Variants in SEMA5A observed in about 807,000 individuals in gnomAD.
SEMA5A encodes the protein semaphorin-5A.
Under a neutral mutation model 135.5 loss-of-function variants are expected in SEMA5A, and 55 were observed. That is an observed-to-expected ratio of 0.41 (90% confidence interval 0.33 to 0.51). The LOEUF (loss-of-function observed/expected upper bound fraction) is 0.51. Among genes scored for constraint, SEMA5A ranks in the 20% least tolerant of loss-of-function variants. SEMA5A has a pLI of 0.37. For missense variants in SEMA5A, 1,290 were observed against 1,419.9 expected (o/e 0.91, Z 1.47); for synonymous variants, 580 against 546.5 (o/e 1.06, Z -0.85).
At chr5:9,528,362 G>C (rs1279051784) in intron 1 of SEMA5A, among the ~76,000 whole-genome samples, 1 of 152,118 alleles carries the variant, frequency 6.6e-6, no homozygotes. Context: ...TATTTTTCTG[G>C]GTTCCTATTC....
chr5:9,103,410 G>A (rs2150145948), intron 16 of SEMA5A, among the ~76,000 whole-genome samples: 1 of 152,308 alleles, frequency 6.6e-6, no homozygotes, highest in East Asian at 1.9e-4. Context: ...ACAAACAAAT[G>A]TTAGTGTGTT....
intron 5 of SEMA5A, among the ~76,000 whole-genome samples, chr5:9,273,993 T>C (rs992403378): frequency 2.7e-4 from 41 of 152,112 alleles, no homozygotes; most frequent in African/African-American, 9.2e-4. Flanking sequence ...ATAACAATAT[T>C]AACCTTAAAT....
rs1441110197 is a variant in SEMA5A at position 9,036,719 on chromosome 5, A to C, written c.*6178T>G. On this transcript the variant is annotated 3_prime_UTR_variant, in exon 23 of 23. Transcript: ENST00000382496. ...GCTTCTTGGTCATTTTCTATTCCTG[A>C]GTTCAAAGAGACATAGGAGAATAAT... is the stretch of plus-strand genomic sequence containing the variant. 1 of 152,634 alleles carries C rather than the reference A, an allele frequency of 6.6e-6. No individual in the cohort carries two copies. Among genetic ancestry groups the C allele is most frequent in the Non-Finnish European group, 1.5e-5 (1 of 68,032 alleles). The allele number at this position is 152,634 out of a possible 1,614,324, so 9.5% of individuals were successfully genotyped here.
intron 17 of SEMA5A, among the ~76,000 whole-genome samples, chr5:9,065,241 C>T (rs1014383263): frequency 1.2e-4 from 19 of 152,202 alleles, no homozygotes; most frequent in African/African-American, 4.3e-4. Flanking sequence ...GTGGCTCCTG[C>T]TGCACCTGCT....
rs187713385 is a variant in SEMA5A at position 9,477,964 on chromosome 5, G to A, written c.-174-40112C>T. On this transcript the variant is annotated intron_variant, in intron 1 of 22. Coordinates refer to ENST00000382496, the MANE Select transcript of SEMA5A (RefSeq NM_003966.3). ...TCCTATCACAGGCCTGGAGGCCCATGAGGGACCTTCCTGGGCCCAGGGTCC... is the reference window on the plus strand; with the variant it reads ...TCCTATCACAGGCCTGGAGGCCCATAAGGGACCTTCCTGGGCCCAGGGTCC... 3.2e-3 allele frequency among the ~76,000 whole-genome samples: 495 copies of A among 152,342 alleles called. 2 individuals are homozygous for A. The South Asian group carries it at 0.042, about 13-fold the overall frequency.
intron 5 of SEMA5A, among the ~76,000 whole-genome samples, chr5:9,305,121 C>T (rs1195496789): frequency 1.3e-5 from 2 of 152,062 alleles, no homozygotes; most frequent in African/African-American, 2.4e-5. Flanking sequence ...TATTTTTCTC[C>T]CTCTCGCCTG....
At chr5:9,186,417 C>T (rs901158018) in intron 11 of SEMA5A, among the ~76,000 whole-genome samples, 1 of 152,162 alleles carries the variant, frequency 6.6e-6, no homozygotes, top group Admixed American at 6.5e-5. Flanking sequence ...GGCTGGTTTC[C>T]TCCCATTTGC....
At chr5:9,190,540 C>T in intron 10 of SEMA5A, 69 bp from the exon 11 acceptor site, 1 of 1,466,606 alleles carries the variant, frequency 6.8e-7, no homozygotes, top group Non-Finnish European at 9.4e-7. Context: ...TGTGGCCACC[C>T]TAGCTGGAAA....
chr5:9,357,583 T>C (rs1754508648), intron 3 of SEMA5A, among the ~76,000 whole-genome samples: 1 of 152,208 alleles, frequency 6.6e-6, no homozygotes, highest in African/African-American at 2.4e-5. Context: ...ATCCTGACAG[T>C]ATAACTGCAA....
At position 9,195,421 on chromosome 5, in the gene SEMA5A, C is replaced by CTTGG. The variant is rs148720255; in HGVS notation, c.1068+1743_1068+1746dup. Among the ~76,000 whole-genome samples, 577 of 152,300 alleles carry CTTGG rather than the reference C, an allele frequency of 3.8e-3. 3 individuals are homozygous for CTTGG. The highest frequency in any genetic ancestry group is 0.013 in the African/African-American group (532 of 41,550). On this transcript the variant is annotated intron_variant, in intron 10 of 22. Coordinates refer to ENST00000382496, the MANE Select transcript of SEMA5A (RefSeq NM_003966.3). ...TCCTGGCCTCAGGAGATCCTCCTGCCTTGGCCTCACAAAGCACTGTGATTA... is the reference window on the plus strand; with the variant it reads ...TCCTGGCCTCAGGAGATCCTCCTGCCTTGGTTGGCCTCACAAAGCACTGTGATTA...
At position 9,120,864 on chromosome 5, in the gene SEMA5A, C is replaced by T. The variant is rs548439889; in HGVS notation, c.1782-1723G>A. On this transcript the variant is annotated intron_variant, in intron 14 of 22. Coordinates refer to ENST00000382496, the MANE Select transcript of SEMA5A (RefSeq NM_003966.3). ...CTCTAACTCGGCTCACTGTAACCTC[C>T]GCCTGCTGGGTTCAAGAGATTCTCC... 2.6e-3 allele frequency among the ~76,000 whole-genome samples: 401 copies of T among 151,938 alleles called. 2 individuals are homozygous for T. Among genetic ancestry groups the T allele is most frequent in the African/African-American group, 8.4e-3 (347 of 41,436 alleles).
At chr5:9,484,396 G>A (rs1759997703) in intron 1 of SEMA5A, among the ~76,000 whole-genome samples, 1 of 152,098 alleles carries the variant, frequency 6.6e-6, no homozygotes, top group Non-Finnish European at 1.5e-5. Flanking sequence ...GTTATTTAGT[G>A]TATCATCAGG....
chr5:9,359,155 C>G (rs987371785), intron 3 of SEMA5A, among the ~76,000 whole-genome samples: 2 of 152,164 alleles, frequency 1.3e-5, no homozygotes, highest in African/African-American at 4.8e-5. Context: ...CTCCTCCCCC[C>G]ACCAGCTAGA....
chr5:9,290,276 C>T (rs1000467924), intron 5 of SEMA5A, among the ~76,000 whole-genome samples: 1 of 152,132 alleles, frequency 6.6e-6, no homozygotes, highest in African/African-American at 2.4e-5. Context: ...TAGTTAAGCA[C>T]TCCCATTATG....
At chr5:9,365,345 T>G (rs1754869252) in intron 3 of SEMA5A, among the ~76,000 whole-genome samples, 1 of 152,108 alleles carries the variant, frequency 6.6e-6, no homozygotes, top group Admixed American at 6.5e-5. Context: ...AAGGTCTAGA[T>G]TAATGCAAAA....
chr5:9,111,882 C>T (rs1025802653), intron 15 of SEMA5A, among the ~76,000 whole-genome samples: 1 of 152,176 alleles, frequency 6.6e-6, no homozygotes, highest in African/African-American at 2.4e-5. Context: ...AGAGAAGCCC[C>T]TCTTATGAAG....
At chr5:9,404,002 T>C (rs1437475453) in intron 2 of SEMA5A, among the ~76,000 whole-genome samples, 3 of 152,236 alleles carry the variant, frequency 2.0e-5, no homozygotes, top group South Asian at 4.1e-4. Context: ...TGGCATGATC[T>C]TGGCTCACTG....
At chr5:9,318,142 C>A (rs1752470404) in intron 5 of SEMA5A, among the ~76,000 whole-genome samples, 1 of 152,144 alleles carries the variant, frequency 6.6e-6, no homozygotes, top group Non-Finnish European at 1.5e-5. Flanking sequence ...AGGATCACAT[C>A]CACGGAACAA....
intron 5 of SEMA5A, among the ~76,000 whole-genome samples, chr5:9,292,044 C>G (rs1478661135): frequency 1.3e-5 from 2 of 152,160 alleles, no homozygotes; most frequent in African/African-American, 4.8e-5. Context: ...GCTGTCACCC[C>G]TGCCTCAGGA....
Sources: gnomAD v4.1 joint callset for allele counts (sites outside exome capture counted in the v4.1 genomes callset) on GRCh38, gnomAD v4.1.1 for gene constraint, MANE v1.5 for transcripts, NCBI Gene and HGNC (gene_info 2026-07-23, HGNC 2026-07-21) for gene names.